The following FOXP2 variants were observed in gnomAD, a reference collection of about 807,000 sequenced individuals.
FOXP2 encodes the protein forkhead box protein P2.
Under a neutral mutation model 115.8 loss-of-function variants are expected in FOXP2, and 12 were observed. The ratio of observed to expected loss-of-function variants is 0.10; its 90% CI spans 0.07 to 0.17. The LOEUF is 0.17. Among genes scored for constraint, FOXP2 ranks in the 10% least tolerant of loss-of-function variants. FOXP2 has a pLI of 1.00. For missense variants in FOXP2, 629 were observed against 843.5 expected (o/e 0.75, Z 3.15); for synonymous variants, 328 against 297.7 (o/e 1.10, Z -1.05).
chr7:114,473,741 C>A (rs1346796428), intron 2 of FOXP2, among the ~76,000 whole-genome samples: 1 of 152,204 alleles, frequency 6.6e-6, no homozygotes, highest in East Asian at 1.9e-4. Context: ...AGTTTTCTCC[C>A]CACAGTTCTG....
chr7:114,524,800 A>G (rs917111355), intron 2 of FOXP2, among the ~76,000 whole-genome samples: 2 of 152,000 alleles, frequency 1.3e-5, no homozygotes, highest in Admixed American at 1.3e-4. Context: ...AATTGAATAT[A>G]TTTTATCTTT....
At chr7:114,678,210 T>C (rs1807880387) in intron 16 of FOXP2, among the ~76,000 whole-genome samples, 1 of 152,206 alleles carries the variant, frequency 6.6e-6, no homozygotes, top group Admixed American at 6.5e-5. Flanking sequence ...CAACCTAGTA[T>C]TGAGCAGAGA....
At chr7:114,271,471 A>C (rs1316161723) in intron 1 of FOXP2, among the ~76,000 whole-genome samples, 1 of 137,690 alleles carries the variant, frequency 7.3e-6, no homozygotes, top group Admixed American at 8.2e-5. Context: ...GTTTACTGAG[A>C]GGATTTATAT....
intron 1 of FOXP2, among the ~76,000 whole-genome samples, chr7:114,130,304 C>A (rs1791837607): frequency 6.6e-6 from 1 of 151,954 alleles, no homozygotes. Flanking sequence ...GCCTCAGCGA[C>A]CAAAAAGGAA....
rs116395624 is a variant in FOXP2 at position 114,317,192 on chromosome 7, T to C, written c.-11+29083T>C. Among the ~76,000 whole-genome samples, 426 of 152,336 alleles carry C rather than the reference T, an allele frequency of 2.8e-3. 2 individuals are homozygous for C. The highest frequency in any genetic ancestry group is 9.4e-3 in the African/African-American group (391 of 41,574). On this transcript the variant is annotated intron_variant, in intron 2 of 17. Coordinates refer to the FOXP2 transcript ENST00000634411. ...GGAATTCTGGGTACCTAGTGAGATT[T>C]CTGTGATTTTCCCAATTCTTGCAGT...
At chr7:114,482,645 G>C (rs2129238252) in intron 2 of FOXP2, among the ~76,000 whole-genome samples, 1 of 151,182 alleles carries the variant, frequency 6.6e-6, no homozygotes. Context: ...CTCTTACCTT[G>C]CTCTATGCAA....
intron 1 of FOXP2, among the ~76,000 whole-genome samples, chr7:114,134,934 A>G (rs531453813): frequency 1.3e-5 from 2 of 152,326 alleles, no homozygotes; most frequent in Non-Finnish European, 2.9e-5. Context: ...ATGTATAAAT[A>G]TGTATCACAG....
At chr7:114,277,397 A>T (rs1196311272) in intron 1 of FOXP2, among the ~76,000 whole-genome samples, 1 of 152,116 alleles carries the variant, frequency 6.6e-6, no homozygotes, top group Non-Finnish European at 1.5e-5. Flanking sequence ...TATGCCTTTA[A>T]CTATTTTGAG....
chr7:114,476,288 A>G (rs532732186), intron 2 of FOXP2, among the ~76,000 whole-genome samples: 48 of 151,970 alleles, frequency 3.2e-4, no homozygotes, highest in African/African-American at 1.1e-3. Flanking sequence ...ATTTTGAGTT[A>G]ATTTTTGTAA....
In FOXP2 at chr7:114,120,395, G is replaced by A. The variant is rs150053677; in HGVS notation, c.-247+32557G>A. On this transcript the variant is annotated intron_variant, in intron 1 of 19. Coordinates refer to the FOXP2 transcript ENST00000635638. ...TTTAGAGCACTGGCATTTATCTTAA[G>A]GATAGTAGTAAACTTTGAAAGCATT... is the stretch of plus-strand genomic sequence containing the variant. 7.2e-5 allele frequency among the ~76,000 whole-genome samples: 11 copies of A among 152,148 alleles called. No homozygotes were observed. In the East Asian group the frequency reaches 1.9e-3, roughly 27 times the overall value.
rs531747310 is a variant in FOXP2 at position 114,663,378 on chromosome 7, A to G, written c.1770-72A>G. On this transcript the variant is annotated intron_variant, in intron 14 of 16. Transcript: ENST00000350908. ...GTGAGACAAGCCAGAACATACCTTTATAGCTGAGACTATTGATATCCACGT... is the reference window on the plus strand; with the variant it reads ...GTGAGACAAGCCAGAACATACCTTTGTAGCTGAGACTATTGATATCCACGT... 126 of 1,117,824 alleles carry G rather than the reference A, an allele frequency of 1.1e-4. No individual in the cohort carries two copies. In the African/African-American group the frequency reaches 1.8e-3, roughly 16 times the overall value. The allele number at this position is 1,117,824 out of a possible 1,614,324, so 69.2% of individuals were successfully genotyped here.
Position 114,659,353 on chromosome 7 carries a change from T to C in FOXP2, c.1469-3T>C. 6.2e-7 allele frequency: 1 copy of C among 1,600,032 alleles called. No individual in the cohort carries two copies. Among genetic ancestry groups the C allele is most frequent in the Non-Finnish European group, 8.6e-7 (1 of 1,168,130 alleles). On this transcript the variant is annotated splice_region_variant and splice_polypyrimidine_tract_variant and intron_variant, in intron 11 of 16. Coordinates refer to ENST00000350908, the MANE Select transcript of FOXP2 (RefSeq NM_014491.4). ...AATTAACACCTAGTTTTTATTTTTA[T>C]AGAAATTGCCCCAAACTATGAATTT...
At chr7:114,477,513 G>C (rs1053299957) in intron 2 of FOXP2, among the ~76,000 whole-genome samples, 1 of 151,860 alleles carries the variant, frequency 6.6e-6, no homozygotes, top group Admixed American at 6.6e-5. Context: ...AGGGAAGTGG[G>C]TGTGGGTTGA....
chr7:114,106,756 A>T (rs1218338726), intron 1 of FOXP2, among the ~76,000 whole-genome samples: 1 of 151,974 alleles, frequency 6.6e-6, no homozygotes, highest in African/African-American at 2.4e-5. Flanking sequence ...GTAGTGTTAC[A>T]ATTGTTTATT....
At chr7:114,386,113 A>G (rs1247707037) in intron 2 of FOXP2, among the ~76,000 whole-genome samples, 2 of 152,168 alleles carry the variant, frequency 1.3e-5, no homozygotes, top group South Asian at 2.1e-4. Context: ...CTCAGCGGAC[A>G]CCCTGCCGGA....
At chr7:114,580,011 A>T (rs1475297081) in intron 3 of FOXP2, among the ~76,000 whole-genome samples, 2 of 152,226 alleles carry the variant, frequency 1.3e-5, no homozygotes, top group Non-Finnish European at 2.9e-5. Flanking sequence ...TCTTATTGGC[A>T]TATGTAGCCT....
chr7:114,137,665 T>A (rs913604360), intron 1 of FOXP2, among the ~76,000 whole-genome samples: 4 of 152,186 alleles, frequency 2.6e-5, no homozygotes, highest in African/African-American at 9.6e-5. Context: ...GATTTATTTA[T>A]GACGTTTTAA....
chr7:114,183,544 C>G (rs1301621387), intron 1 of FOXP2, among the ~76,000 whole-genome samples: 1 of 152,058 alleles, frequency 6.6e-6, no homozygotes, highest in African/African-American at 2.4e-5. Context: ...TGAATTAACA[C>G]TTGTATGATT....
At chr7:114,159,509 A>AAC (rs1554423991), upstream of FOXP2, among the ~76,000 whole-genome samples, 12 of 151,668 alleles carry the variant, frequency 7.9e-5, no homozygotes, top group African/African-American at 1.5e-4. Flanking sequence ...AAAGAAAAAA[A>AAC]CAGTAATTTA....
Sources: gnomAD v4.1 joint callset for allele counts (sites outside exome capture counted in the v4.1 genomes callset) on GRCh38, gnomAD v4.1.1 for gene constraint, MANE v1.5 for transcripts, NCBI Gene and HGNC (gene_info 2026-07-23, HGNC 2026-07-21) for gene names.